The following DGKB variants were observed in gnomAD, a reference collection of about 807,000 sequenced individuals.
DGKB encodes 90 kDa diacylglycerol kinase.
A neutral mutation model predicts 114.3 loss-of-function variants in DGKB; 67 were observed. That is an observed-to-expected ratio of 0.59 (90% CI 0.48 to 0.72). The LOEUF (loss-of-function observed/expected upper bound fraction) is 0.72. Ranked by LOEUF, DGKB falls within the 30% of genes least tolerant of loss-of-function variation. DGKB has a pLI of 0.00. For missense variants in DGKB, 907 were observed against 975.2 expected, an observed-to-expected ratio of 0.93 and a Z score of 0.93; for synonymous variants, 398 against 323.1, an observed-to-expected ratio of 1.23 and a Z score of -2.49.
At chr7:14,890,873 A>AG (rs770455571) in intron 1 of DGKB, among the ~76,000 whole-genome samples, 1 of 29,576 alleles carries the variant, frequency 3.4e-5, no homozygotes, top group Admixed American at 4.8e-4. Flanking sequence ...GCCACAAATG[A>AG]AAAAAAAAAA....
chr7:14,305,638 G>T (rs1369019855), intron 23 of DGKB, among the ~76,000 whole-genome samples: 2 of 152,102 alleles, frequency 1.3e-5, no homozygotes, highest in East Asian at 3.9e-4. Context: ...CCATCAAATG[G>T]CACAATTGCT....
At chr7:14,586,393 A>G (rs1201318790) in intron 17 of DGKB, among the ~76,000 whole-genome samples, 2 of 152,080 alleles carry the variant, frequency 1.3e-5, no homozygotes, top group African/African-American at 4.8e-5. Flanking sequence ...GAAGCTGAAA[A>G]ATAGTTTGAT....
chr7:14,745,895 T>A (rs1282500461), intron 4 of DGKB, among the ~76,000 whole-genome samples: 4 of 152,256 alleles, frequency 2.6e-5, no homozygotes, highest in Non-Finnish European at 5.9e-5. Context: ...TTTCTCCTAA[T>A]AAGCAACACA....
chr7:14,761,241 G>T (rs1004596370), intron 2 of DGKB, among the ~76,000 whole-genome samples: 2 of 151,998 alleles, frequency 1.3e-5, no homozygotes, highest in Non-Finnish European at 2.9e-5. Flanking sequence ...TGATTTGACC[G>T]GTCAATCTTC....
intron 2 of DGKB, among the ~76,000 whole-genome samples, chr7:14,802,943 C>G (rs917767279): frequency 2.0e-5 from 3 of 151,916 alleles, no homozygotes; most frequent in African/African-American, 7.3e-5. Context: ...CTCACTCATA[C>G]AATTAAAAAT....
intron 23 of DGKB, among the ~76,000 whole-genome samples, chr7:14,242,726 C>T (rs1053566686): frequency 3.9e-5 from 6 of 152,118 alleles, no homozygotes; most frequent in Admixed American, 3.9e-4. Context: ...AGAGCAAGGT[C>T]ATAGTTCTTA....
intron 21 of DGKB, among the ~76,000 whole-genome samples, chr7:14,465,167 A>C (rs2128876480): frequency 6.6e-6 from 1 of 152,244 alleles, no homozygotes; most frequent in African/African-American, 2.4e-5. Flanking sequence ...AGTCTTTACC[A>C]CATGTTACTG....
At chr7:14,879,057 A>C (rs577686647) in intron 1 of DGKB, among the ~76,000 whole-genome samples, 1 of 152,042 alleles carries the variant, frequency 6.6e-6, no homozygotes, top group African/African-American at 2.4e-5. Flanking sequence ...TTAAATACTC[A>C]TGGTCTTGTT....
rs139543321 is a variant in DGKB at position 14,304,419 on chromosome 7, A to G, written c.2122+34096T>C. Reference sequence around the variant, plus strand: ...TATTCCCAGATTTTCTTGTCATAATACACAACATCCCACAGTCCCACTTTG... The same window carrying G: ...TATTCCCAGATTTTCTTGTCATAATGCACAACATCCCACAGTCCCACTTTG... On this transcript the variant is annotated intron_variant, in intron 23 of 25. Coordinates refer to ENST00000402815, the MANE Select transcript of DGKB (RefSeq NM_001350709.2). Among the ~76,000 whole-genome samples the G allele has an allele frequency of 1.1e-3, 165 of 152,198 alleles. 1 individual carries two copies. Among genetic ancestry groups the G allele is most frequent in the Admixed American group, 7.3e-3 (112 of 15,264 alleles).
At chr7:14,434,688 A>G (rs1213483273) in intron 21 of DGKB, among the ~76,000 whole-genome samples, 1 of 152,154 alleles carries the variant, frequency 6.6e-6, no homozygotes, top group East Asian at 1.9e-4. Flanking sequence ...GTTTTAAGTT[A>G]CTAAATTTTA....
chr7:14,200,737 A>G (rs896388315), intron 23 of DGKB, among the ~76,000 whole-genome samples: 4 of 152,024 alleles, frequency 2.6e-5, no homozygotes, highest in African/African-American at 9.7e-5. Flanking sequence ...TAGTCTCCTT[A>G]AGAGCACTAA....
intron 4 of DGKB, among the ~76,000 whole-genome samples, chr7:14,741,887 T>C (rs1422248063): frequency 6.6e-6 from 1 of 152,206 alleles, no homozygotes; most frequent in East Asian, 1.9e-4. Flanking sequence ...CTCAAGTTAA[T>C]TAAAAGTGGA....
chr7:14,279,879 C>G (rs1383915841), intron 23 of DGKB, among the ~76,000 whole-genome samples: 1 of 149,414 alleles, frequency 6.7e-6, no homozygotes, highest in Non-Finnish European at 1.5e-5. Context: ...CATCAAACAC[C>G]AAAAGTAGAT....
At chr7:14,283,616 C>T (rs1305359758) in intron 23 of DGKB, among the ~76,000 whole-genome samples, 5 of 149,850 alleles carry the variant, frequency 3.3e-5, no homozygotes, top group Non-Finnish European at 7.4e-5. Context: ...TCAAACTATA[C>T]TACAAGGCTA....
At chr7:14,793,873 A>G (rs917209542) in intron 2 of DGKB, among the ~76,000 whole-genome samples, 1 of 152,096 alleles carries the variant, frequency 6.6e-6, no homozygotes, top group Non-Finnish European at 1.5e-5. Context: ...CCCCACTGTA[A>G]GTGAGCATTA....
intron 23 of DGKB, among the ~76,000 whole-genome samples, chr7:14,313,321 A>G (rs934479961): frequency 6.6e-6 from 1 of 152,122 alleles, no homozygotes; most frequent in African/African-American, 2.4e-5. Flanking sequence ...AGCCTGAGCG[A>G]CGCAGAAGAC....
At chr7:14,362,398 G>A (rs1815917874) in intron 21 of DGKB, among the ~76,000 whole-genome samples, 1 of 152,026 alleles carries the variant, frequency 6.6e-6, no homozygotes, top group African/African-American at 2.4e-5. Flanking sequence ...GAAGACCACA[G>A]AAAATAATGC....
At chr7:14,263,006 T>C (rs38280) in intron 23 of DGKB, among the ~76,000 whole-genome samples, 8,070 of 152,064 alleles carry the variant, frequency 0.053, 303 homozygotes, top group East Asian at 0.17. Context: ...AGATGGGTAG[T>C]TAACATCCTG....
At chr7:14,284,371 G>T (rs905966082) in intron 23 of DGKB, among the ~76,000 whole-genome samples, 1 of 143,730 alleles carries the variant, frequency 7.0e-6, no homozygotes, top group Non-Finnish European at 1.5e-5. Flanking sequence ...ACAGGTGCTG[G>T]AGAGGATGTG....
Sources: gnomAD v4.1 joint callset for allele counts (sites outside exome capture counted in the v4.1 genomes callset) on GRCh38, gnomAD v4.1.1 for gene constraint, MANE v1.5 for transcripts, NCBI Gene and HGNC (gene_info 2026-07-23, HGNC 2026-07-21) for gene names.